Variants in ABTB2 observed in about 807,000 individuals in gnomAD.
ABTB2 encodes the protein ankyrin repeat and BTB domain containing 2.
Under a neutral mutation model 104.1 loss-of-function variants are expected in ABTB2, and 56 were observed. That is an observed-to-expected ratio of 0.54 (90% CI 0.43 to 0.67). The LOEUF (loss-of-function observed/expected upper bound fraction) is 0.67. Among genes scored for constraint, ABTB2 ranks in the 30% least tolerant of loss-of-function variants. ABTB2 has a pLI of 0.00. For synonymous variants in ABTB2, 606 were observed against 608.2 expected, an observed-to-expected ratio of 1.00 and a Z score of 0.05; for missense variants, 1,279 against 1,407.7, an observed-to-expected ratio of 0.91 and a Z score of 1.46.
At chr11:34,249,401 G>C (rs762931265) in intron 1 of ABTB2, among the ~76,000 whole-genome samples, 2 of 152,234 alleles carry the variant, frequency 1.3e-5, no homozygotes, top group African/African-American at 4.8e-5. Flanking sequence ...GCTGGCTGCA[G>C]GTTCTACAAA....
At chr11:34,211,851 T>C (rs925856909) in intron 1 of ABTB2, among the ~76,000 whole-genome samples, 2 of 138,724 alleles carry the variant, frequency 1.4e-5, no homozygotes, top group African/African-American at 5.5e-5. Flanking sequence ...ATTGCACCAC[T>C]GCACTCCAGC....
chr11:34,208,171 T>C (rs970891397), intron 1 of ABTB2, among the ~76,000 whole-genome samples: 1 of 152,214 alleles, frequency 6.6e-6, no homozygotes, highest in African/African-American at 2.4e-5. Context: ...CCTCGATGTG[T>C]TCCTTTCCCC....
chr11:34,192,154 G>A (rs1853183857), intron 3 of ABTB2, among the ~76,000 whole-genome samples: 1 of 152,134 alleles, frequency 6.6e-6, no homozygotes, highest in Non-Finnish European at 1.5e-5. Flanking sequence ...TTAGCCAGGT[G>A]TGGTGGGGCA....
chr11:34,275,569 C>T (rs1171924698), intron 1 of ABTB2, among the ~76,000 whole-genome samples: 1 of 152,080 alleles, frequency 6.6e-6, no homozygotes, highest in Non-Finnish European at 1.5e-5. Flanking sequence ...ACAGATGACA[C>T]TGGTACCAAC....
intron 1 of ABTB2, among the ~76,000 whole-genome samples, chr11:34,230,272 G>A (rs142056810): frequency 1.3e-5 from 2 of 152,338 alleles, no homozygotes; most frequent in African/African-American, 4.8e-5. Flanking sequence ...CAAAGGGGGA[G>A]TGTTGCATTT....
chr11:34,152,092 G>T lies in ABTB2; in HGVS notation c.*295C>A. 2 of 417,462 alleles carry T rather than the reference G, an allele frequency of 4.8e-6. No homozygotes were observed. Among genetic ancestry groups the T allele is most frequent in the Admixed American group, 7.5e-5 (2 of 26,632 alleles). The allele number at this position is 417,462 out of a possible 1,614,324, so 25.9% of individuals were successfully genotyped here. A position where few individuals can be genotyped will look rare whatever the true frequency, so the allele number is the denominator to read the frequency against. On this transcript the variant is annotated 3_prime_UTR_variant, in exon 17 of 17. Coordinates refer to ENST00000435224, the MANE Select transcript of ABTB2 (RefSeq NM_145804.3). ...GTGGATCAGGATCAGCTGCTGACCT[G>T]CAGGAGGGGAGAGCGACACCCCGGG...
At chr11:34,161,990 CGGT>C (rs947502560) in intron 10 of ABTB2, among the ~76,000 whole-genome samples, 6 of 152,148 alleles carry the variant, frequency 3.9e-5, no homozygotes, top group African/African-American at 1.2e-4. Context: ...CAAGTGCTCA[CGGT>C]GGCCACTACG....
chr11:34,173,427 TG>T (rs1321668501), intron 3 of ABTB2, 120 bp from the exon 4 acceptor site: 8 of 1,240,392 alleles, frequency 6.4e-6, no homozygotes, highest in Non-Finnish European at 8.8e-6. Context: ...AGTCCTAGGG[TG>T]GGGGGCTCCC....
intron 3 of ABTB2, among the ~76,000 whole-genome samples, chr11:34,185,518 A>G (rs1158752900): frequency 6.6e-6 from 1 of 152,244 alleles, no homozygotes; most frequent in Non-Finnish European, 1.5e-5. Flanking sequence ...CCTCTGAAAC[A>G]GTCACCCTGC....
intron 1 of ABTB2, among the ~76,000 whole-genome samples, chr11:34,294,252 C>G (rs1358921483): frequency 6.6e-6 from 1 of 152,122 alleles, no homozygotes; most frequent in Non-Finnish European, 1.5e-5. Flanking sequence ...GTGGCTTGAG[C>G]CTGGGGTCAT....
chr11:34,273,301 T>C (rs1854342166), intron 1 of ABTB2, among the ~76,000 whole-genome samples: 1 of 152,176 alleles, frequency 6.6e-6, no homozygotes, highest in Non-Finnish European at 1.5e-5. Flanking sequence ...TGCTTTGTTT[T>C]GGAATAAACC....
Position 34,160,060 on chromosome 11 carries a change from G to T in ABTB2, c.2504-52C>A, listed in dbSNP as rs780426738. 5.4e-6 allele frequency: 8 copies of T among 1,492,604 alleles called. No homozygotes were observed. The South Asian group carries it at 5.7e-5, about 11-fold the overall frequency. 92.5% of individuals were successfully genotyped at this position (1,492,604 alleles called of 1,614,324 possible). A position where few individuals can be genotyped will look rare whatever the true frequency, so the allele number is the denominator to read the frequency against. The stretch of plus-strand genomic sequence containing the variant: ...TATGGCTGAGGAGTCCCCTGCTGGG[G>T]TTTGCTTGAGTGTGCTGTGAGGTGC... On this transcript the variant is annotated intron_variant, in intron 12 of 16. Coordinates refer to ENST00000435224, the MANE Select transcript of ABTB2 (RefSeq NM_145804.3).
At chr11:34,178,162 T>C (rs1852979066) in intron 3 of ABTB2, among the ~76,000 whole-genome samples, 1 of 147,108 alleles carries the variant, frequency 6.8e-6, no homozygotes, top group Non-Finnish European at 1.5e-5. Context: ...TCTTTCAATA[T>C]ACAGAAATCT....
rs549467181 is a variant in ABTB2, at chr11:34,327,753, G to A, written c.883+28948C>T. 2.2e-3 allele frequency among the ~76,000 whole-genome samples: 328 copies of A among 152,262 alleles called. 2 individuals carry two copies. The highest frequency in any genetic ancestry group is 7.3e-3 in the African/African-American group (304 of 41,548). On this transcript the variant is annotated intron_variant, in intron 1 of 16. Coordinates refer to ENST00000435224, the MANE Select transcript of ABTB2 (RefSeq NM_145804.3). ...CCTCTCCCAGATACGTTTCTCCCAA[G>A]AGAAACTTACAGAGAAAAAAACTTT...
intron 1 of ABTB2, among the ~76,000 whole-genome samples, chr11:34,209,500 C>A (rs1387330860): frequency 7.8e-6 from 1 of 127,890 alleles, no homozygotes; most frequent in Non-Finnish European, 1.6e-5. Flanking sequence ...CACACCTGAT[C>A]CTCGCTTCTC....
At chr11:34,278,309 G>C (rs896308793) in intron 1 of ABTB2, among the ~76,000 whole-genome samples, 7 of 152,170 alleles carry the variant, frequency 4.6e-5, no homozygotes, top group African/African-American at 1.2e-4. Context: ...ATGGAAATTT[G>C]ATTTGGGTGC....
intron 4 of ABTB2, 53 bp downstream of exon 4, chr11:34,173,102 C>T: frequency 1.2e-6 from 2 of 1,608,598 alleles, no homozygotes; most frequent in African/African-American, 1.3e-5. Context: ...CAGAGGGGAG[C>T]CGCTGGGGGC....
At chr11:34,197,603 A>C in intron 2 of ABTB2, 65 bp from the exon 3 acceptor site, 1 of 1,153,072 alleles carries the variant, frequency 8.7e-7, no homozygotes, top group East Asian at 2.5e-5. Flanking sequence ...CTGAGTTCAC[A>C]GCCTGCATTC....
At chr11:34,319,192 A>G (rs1457875654) in intron 1 of ABTB2, among the ~76,000 whole-genome samples, 3 of 152,242 alleles carry the variant, frequency 2.0e-5, no homozygotes, top group Non-Finnish European at 4.4e-5. Context: ...TGCTTCCTGG[A>G]TCTGACACAC....
Sources: allele counts gnomAD v4.1 joint callset (sites outside exome capture counted in the v4.1 genomes callset), GRCh38; gene constraint gnomAD v4.1.1; transcripts MANE v1.5; gene names NCBI Gene and HGNC (gene_info 2026-07-23, HGNC 2026-07-21).